Variants in MOSMO observed in about 807,000 individuals in gnomAD.
MOSMO encodes the protein modulator of smoothened, also known as modulator of smoothened protein.
In MOSMO, 5 loss-of-function variants were observed where a neutral mutation model predicts 18.4. That is an observed-to-expected ratio of 0.27 (90% confidence interval 0.14 to 0.57). The LOEUF is 0.57. Among genes scored for constraint, MOSMO ranks in the 20% least tolerant of loss-of-function variants. The probability of loss-of-function intolerance (pLI) is 0.92; values close to 1 mark genes in which losing one functional copy is unlikely to be tolerated. For missense variants in MOSMO, 138 were observed against 211.8 expected, an observed-to-expected ratio of 0.65 and a Z score of 2.16; for synonymous variants, 82 against 82.3, an observed-to-expected ratio of 1.00 and a Z score of 0.02.
chr16:22,016,608 G>T (rs1390612024), intron 1 of MOSMO, among the ~76,000 whole-genome samples: 1 of 152,182 alleles, frequency 6.6e-6, no homozygotes, highest in East Asian at 1.9e-4. Context: ...TTCTGGAACA[G>T]ATTGAAGAGG....
chr16:22,079,824 C>G (rs1382946203), intron 2 of MOSMO, among the ~76,000 whole-genome samples: 1 of 152,054 alleles, frequency 6.6e-6, no homozygotes, highest in African/African-American at 2.4e-5. Flanking sequence ...CAGTCTGTTG[C>G]CCAGGCTGGA....
At chr16:22,056,133 C>G (rs1384414255) in intron 1 of MOSMO, among the ~76,000 whole-genome samples, 2 of 152,050 alleles carry the variant, frequency 1.3e-5, no homozygotes, top group Non-Finnish European at 2.9e-5. Context: ...AGAGAGGTGG[C>G]AAAAGTAAGC....
At chr16:22,037,030 G>C (rs954117379) in intron 1 of MOSMO, among the ~76,000 whole-genome samples, 1 of 152,138 alleles carries the variant, frequency 6.6e-6, no homozygotes, top group Non-Finnish European at 1.5e-5. Context: ...AGAGTAAGAA[G>C]AGTAAGGAGA....
intron 1 of MOSMO, among the ~76,000 whole-genome samples, chr16:22,047,129 G>T (rs1900324039): frequency 2.2e-5 from 3 of 134,314 alleles, no homozygotes; most frequent in Non-Finnish European, 4.4e-5. Flanking sequence ...TGGATCTCAT[G>T]ATATATACTA....
At chr16:22,047,132 A>G (rs753790552) in intron 1 of MOSMO, among the ~76,000 whole-genome samples, 3 of 134,502 alleles carry the variant, frequency 2.2e-5, no homozygotes, top group Non-Finnish European at 4.4e-5. Context: ...ATCTCATGAT[A>G]TATACTATTG....
chr16:22,035,130 C>G (rs1354226844), intron 1 of MOSMO, among the ~76,000 whole-genome samples: 2 of 152,016 alleles, frequency 1.3e-5, no homozygotes, highest in Non-Finnish European at 2.9e-5. Flanking sequence ...CGGTAAGGTA[C>G]ATGGGGAGGG....
chr16:22,080,765 C>T lies in MOSMO; in HGVS notation c.389C>T (p.Pro130Leu). The change falls in exon 3 of 3, where the codon CCT becomes CTT. Residue 130 changes from proline to leucine, a missense_variant. Pro to Leu is a moderately conservative substitution (Grantham distance 98). Transcript: ENST00000542527. ...TACATCAATGAAGTCGGAGGTCAAC[C>T]TTATAAATTACCCAACAACACAGTA... The part of the protein sequence containing the change: ...GFYINEVGGQ[P>L]YKLPNNTVVG... 1 of 1,503,482 alleles carries T rather than the reference C, an allele frequency of 6.7e-7. No homozygotes were observed. Among genetic ancestry groups the T allele is most frequent in the Non-Finnish European group, 8.8e-7 (1 of 1,133,554 alleles). The allele number at this position is 1,503,482 out of a possible 1,614,324, so 93.1% of individuals were successfully genotyped here. A position where few individuals can be genotyped will look rare whatever the true frequency, so the allele number is the denominator to read the frequency against.
intron 2 of MOSMO, 59 bp from the exon 3 acceptor site, chr16:22,080,637 A>G (rs1168376276): frequency 3.4e-6 from 4 of 1,178,872 alleles, no homozygotes; most frequent in Non-Finnish European, 4.4e-6. Context: ...CCAAATTTTC[A>G]TTGTTTTTTG....
At chr16:22,041,851 A>G (rs552163329) in intron 1 of MOSMO, among the ~76,000 whole-genome samples, 8 of 151,166 alleles carry the variant, frequency 5.3e-5, no homozygotes, top group African/African-American at 1.7e-4. Context: ...CTTTTTTTCT[A>G]TTTTTATTTT....
At chr16:22,066,465 A>G (rs1900750383) in intron 1 of MOSMO, among the ~76,000 whole-genome samples, 1 of 152,138 alleles carries the variant, frequency 6.6e-6, no homozygotes, top group South Asian at 2.1e-4. Context: ...TACCCAGGCA[A>G]CAACTGGGAA....
At chr16:22,086,359 C>G (rs549943443), downstream of MOSMO, among the ~76,000 whole-genome samples, 3 of 152,322 alleles carry the variant, frequency 2.0e-5, no homozygotes, top group Admixed American at 2.0e-4. Context: ...CTCGTCACTT[C>G]TTACTGACAA....
rs886507031 is a variant in MOSMO, at chr16:22,042,182, A to G, written c.107-33305A>G. 3.3e-5 allele frequency among the ~76,000 whole-genome samples: 5 copies of G among 152,150 alleles called. No homozygotes were observed. The East Asian group carries it at 9.6e-4, about 29-fold the overall frequency. ...AGATATGAGAGAACTAAGAGTGTGA[A>G]GAGGTTTGGAACAGCTGCTCTGGGG... is the stretch of plus-strand genomic sequence containing the variant. On this transcript the variant is annotated intron_variant, in intron 1 of 2. Coordinates refer to ENST00000542527, the MANE Select transcript of MOSMO (RefSeq NM_001164579.2).
chr16:22,050,887 GAAAAAAAAAA>G (rs34532029), intron 1 of MOSMO, among the ~76,000 whole-genome samples: 1 of 70,488 alleles, frequency 1.4e-5, no homozygotes, highest in Non-Finnish European at 2.8e-5. Context: ...TGTCTCTTAA[GAAAAAAAAAA>G]AAAAAAAAGT....
intron 2 of MOSMO, 131 bp downstream of exon 2, chr16:22,075,830 G>C (rs1900956766): frequency 1.5e-6 from 1 of 670,880 alleles, no homozygotes; most frequent in Non-Finnish European, 2.6e-6. Context: ...ATGGCCGTGA[G>C]ATAGACTCTA....
intron 1 of MOSMO, among the ~76,000 whole-genome samples, chr16:22,016,230 A>C (rs534087798): frequency 6.6e-6 from 1 of 152,276 alleles, no homozygotes; most frequent in South Asian, 2.1e-4. Context: ...TTGATTTTTC[A>C]GCTATAAAAT....
chr16:22,059,060 G>C (rs1261497063), intron 1 of MOSMO, among the ~76,000 whole-genome samples: 2 of 152,152 alleles, frequency 1.3e-5, no homozygotes, highest in Non-Finnish European at 2.9e-5. Flanking sequence ...TTGTGATGTA[G>C]TAACCCTCTC....
intron 1 of MOSMO, among the ~76,000 whole-genome samples, chr16:22,071,116 C>G (rs903375342): frequency 2.6e-5 from 4 of 152,132 alleles, no homozygotes; most frequent in African/African-American, 9.7e-5. Context: ...ACCAGTGAAA[C>G]AGCTTGCCAA....
chr16:22,075,411 A>G, intron 1 of MOSMO, 76 bp from the exon 2 acceptor site: 1 of 996,910 alleles, frequency 1.0e-6, no homozygotes, highest in Non-Finnish European at 1.4e-6. Context: ...TTTAAGAACT[A>G]AAGGGGTGGT....
At chr16:22,048,285 G>A (rs920234495) in intron 1 of MOSMO, among the ~76,000 whole-genome samples, 2 of 152,180 alleles carry the variant, frequency 1.3e-5, no homozygotes, top group African/African-American at 2.4e-5. Flanking sequence ...GGTTGTGAAC[G>A]ATTAAATGAG....
Sources: gnomAD v4.1 joint callset for allele counts (sites outside exome capture counted in the v4.1 genomes callset) on GRCh38, gnomAD v4.1.1 for gene constraint, MANE v1.5 for transcripts, NCBI Gene and HGNC (gene_info 2026-07-23, HGNC 2026-07-21) for gene names.